Variants in TNFSF4 observed in about 807,000 individuals in gnomAD.
TNFSF4 encodes tumor necrosis factor ligand superfamily member 4.
Under a neutral mutation model 7.3 loss-of-function variants are expected in TNFSF4, and 4 were observed. The observed-to-expected ratio is 0.55, with a 90% CI of 0.27 to 1.25. TNFSF4 has a LOEUF of 1.25. TNFSF4 is among the 50% of genes most tolerant of loss of function. The pLI, the probability that TNFSF4 is intolerant of heterozygous loss-of-function variation, is 0.12. For synonymous variants in TNFSF4, 76 were observed against 83.7 expected (o/e 0.91, Z 0.50); for missense variants, 181 against 208.8 (o/e 0.87, Z 0.82).
At chr1:173,434,606 T>G in the TNFSF4 span, among the ~76,000 whole-genome samples, 1 of 152,202 alleles carries the variant, frequency 6.6e-6, no homozygotes, top group African/African-American at 2.4e-5. Flanking sequence ...AAAGTTACCA[T>G]TCAACATTTG....
chr1:173,217,367 T>A, the TNFSF4 span, among the ~76,000 whole-genome samples: 1 of 152,206 alleles, frequency 6.6e-6, no homozygotes, highest in Non-Finnish European at 1.5e-5. Flanking sequence ...TTTTTGACAC[T>A]CTGGGCAAAA....
chr1:173,205,322 G>C, intron 1 of TNFSF4: 1 of 1,612,158 alleles, frequency 6.2e-7, no homozygotes. Context: ...ATGAGGTTTA[G>C]TGTCCTAGAA....
the TNFSF4 span, among the ~76,000 whole-genome samples, chr1:173,225,644 G>A: frequency 6.6e-6 from 1 of 152,166 alleles, no homozygotes; most frequent in Non-Finnish European, 1.5e-5. Context: ...GACTATCTCA[G>A]CAAATGCTAG....
At chr1:173,363,631 G>A in the TNFSF4 span, 1 of 401,536 alleles carries the variant, frequency 2.5e-6, no homozygotes, top group Non-Finnish European at 4.9e-6. Flanking sequence ...CTTATCGGAT[G>A]GATGTACTAC....
chr1:173,218,790 A>G, the TNFSF4 span, among the ~76,000 whole-genome samples: 2 of 152,134 alleles, frequency 1.3e-5, no homozygotes, highest in Non-Finnish European at 2.9e-5. Context: ...TATTACTTGT[A>G]TAGGAGATTG....
the TNFSF4 span, among the ~76,000 whole-genome samples, chr1:173,214,735 T>C: frequency 6.6e-6 from 1 of 152,270 alleles, no homozygotes; most frequent in Non-Finnish European, 1.5e-5. Context: ...AGATTATTGA[T>C]GAATGGGAGT....
At chr1:173,277,590 G>T in the TNFSF4 span, among the ~76,000 whole-genome samples, 1 of 152,074 alleles carries the variant, frequency 6.6e-6, no homozygotes, top group Non-Finnish European at 1.5e-5. Context: ...TTTTTACCAG[G>T]TGTGACTCAC....
chr1:173,263,177 A>G, the TNFSF4 span, among the ~76,000 whole-genome samples: 1 of 152,262 alleles, frequency 6.6e-6, no homozygotes, highest in Non-Finnish European at 1.5e-5. Context: ...ATGAATAGGA[A>G]GAATCAATAT....
At chr1:173,405,699 C>T in the TNFSF4 span, among the ~76,000 whole-genome samples, 2 of 152,258 alleles carry the variant, frequency 1.3e-5, no homozygotes, top group Middle Eastern at 3.4e-3. Flanking sequence ...AAGATTGGCA[C>T]AATGAAGTTG....
chr1:173,268,465 G>A, the TNFSF4 span, among the ~76,000 whole-genome samples: 99 of 152,104 alleles, frequency 6.5e-4, no homozygotes, highest in Non-Finnish European at 1.2e-3. Flanking sequence ...AGCAACACCC[G>A]TAGGCTAAGG....
chr1:173,333,369 T>C, the TNFSF4 span, among the ~76,000 whole-genome samples: 2 of 152,182 alleles, frequency 1.3e-5, no homozygotes, highest in East Asian at 1.9e-4. Flanking sequence ...CAGAAGGAAT[T>C]CCTCCTACCT....
chr1:173,248,212 C>G, the TNFSF4 span, among the ~76,000 whole-genome samples: 3 of 152,102 alleles, frequency 2.0e-5, no homozygotes, highest in Admixed American at 6.6e-5. Flanking sequence ...AAAAAATTAG[C>G]TGGGCCTGGT....
At chr1:173,347,606 A>G in the TNFSF4 span, among the ~76,000 whole-genome samples, 1 of 152,262 alleles carries the variant, frequency 6.6e-6, no homozygotes, top group Non-Finnish European at 1.5e-5. Flanking sequence ...TATTGGAAGA[A>G]GGCAGGCAGA....
At chr1:173,260,676 A>G in the TNFSF4 span, among the ~76,000 whole-genome samples, 1 of 152,318 alleles carries the variant, frequency 6.6e-6, no homozygotes, top group Non-Finnish European at 1.5e-5. Flanking sequence ...GCAAAAAAAC[A>G]GGGGTCACAA....
the TNFSF4 span, among the ~76,000 whole-genome samples, chr1:173,356,388 A>C: frequency 6.6e-6 from 1 of 152,248 alleles, no homozygotes; most frequent in South Asian, 2.1e-4. Flanking sequence ...ATGGAGTTGA[A>C]AGCATCAGGT....
chr1:173,226,085 G>A, the TNFSF4 span, among the ~76,000 whole-genome samples: 2 of 152,030 alleles, frequency 1.3e-5, no homozygotes, highest in Non-Finnish European at 2.9e-5. Flanking sequence ...TATTTATTTG[G>A]GTAGGCATAA....
chr1:173,405,594 A>G, the TNFSF4 span, among the ~76,000 whole-genome samples: 2 of 152,228 alleles, frequency 1.3e-5, no homozygotes, highest in South Asian at 2.1e-4. Context: ...GTATACACAC[A>G]TTATTAATGT....
the TNFSF4 span, among the ~76,000 whole-genome samples, chr1:173,310,622 A>G: frequency 1.3e-5 from 2 of 150,530 alleles, no homozygotes; most frequent in African/African-American, 2.4e-5. Context: ...CTTTAGATAT[A>G]TTTTCTTAAT....
intron 1 of TNFSF4, among the ~76,000 whole-genome samples, chr1:173,199,134 G>A (rs1649837159): frequency 6.6e-6 from 1 of 152,138 alleles, no homozygotes; most frequent in South Asian, 2.1e-4. Context: ...TTGTTTAACT[G>A]CCTTGTTTTC....
Sources: gnomAD v4.1 joint callset for allele counts (sites outside exome capture counted in the v4.1 genomes callset) on GRCh38, gnomAD v4.1.1 for gene constraint, MANE v1.5 for transcripts, NCBI Gene and HGNC (gene_info 2026-07-23, HGNC 2026-07-21) for gene names.